FRMPD4: variants seen among roughly 807,000 people sequenced by gnomAD.
FRMPD4 encodes FERM and PDZ domain-containing protein 4.
FRMPD4 carries 22 observed loss-of-function variants against 94.1 expected under a neutral mutation model. That is an observed-to-expected ratio of 0.23 (90% CI 0.17 to 0.33). The LOEUF is 0.33. Ranked by LOEUF, FRMPD4 falls within the 10% of genes least tolerant of loss-of-function variation. FRMPD4 has a pLI of 1.00. For synonymous variants in FRMPD4, 631 were observed against 548.6 expected (o/e 1.15, Z -2.10); for missense variants, 1,111 against 1,339.9 (o/e 0.83, Z 2.67).
intron 3 of FRMPD4, among the ~76,000 whole-genome samples, chrX:12,048,258 G>A (rs1301234130): frequency 8.9e-6 from 1 of 111,778 alleles, no homozygotes; most frequent in African/African-American, 3.2e-5. Context: ...TTAGTGATGT[G>A]GATCTCATTT....
intron 5 of FRMPD4, among the ~76,000 whole-genome samples, chrX:12,676,179 A>G (rs1764556635): frequency 8.9e-6 from 1 of 112,417 alleles, no homozygotes; most frequent in Non-Finnish European, 1.9e-5. Flanking sequence ...TCACAGCAGT[A>G]TAACAAACGA....
In FRMPD4 at chrX:12,111,151, G is replaced by A. The variant is rs962806485; in HGVS notation, c.95+233133G>A. ...AAAAGAACAAAGCTGGAGGCATCAC[G>A]CTACCTGACTTCAAACTATACTACA... On this transcript the variant is annotated intron_variant, in intron 3 of 18. Coordinates refer to the FRMPD4 transcript ENST00000640291. Among the ~76,000 whole-genome samples the A allele has an allele frequency of 1.5e-4, 17 of 111,495 alleles. No individual in the cohort carries two copies. In the South Asian group the frequency reaches 1.5e-3, roughly 10 times the overall value.
At chrX:12,318,301 G>T (rs149592615) in intron 1 of FRMPD4, among the ~76,000 whole-genome samples, 120 of 112,367 alleles carry the variant, frequency 1.1e-3, no homozygotes, top group African/African-American at 3.7e-3. Flanking sequence ...TAAGATGGGA[G>T]AATCGCTTGA....
chrX:12,124,366 T>C (rs73190540), intron 3 of FRMPD4, among the ~76,000 whole-genome samples: 14 of 112,189 alleles, frequency 1.2e-4, no homozygotes, highest in Non-Finnish European at 2.1e-4. Flanking sequence ...GGAGGACCCA[T>C]TGGGGTTTCT....
rs758681561 is a variant in FRMPD4 at position 12,717,503 on chromosome X, G to A, written c.2677G>A (p.Val893Ile). The A allele has an allele frequency of 1.7e-6, 2 of 1,175,141 alleles. No individual in the cohort carries two copies. Among genetic ancestry groups the A allele is most frequent in the Non-Finnish European group, 2.3e-6 (2 of 862,831 alleles). Residue 893 changes from valine to isoleucine, a missense_variant and splice_region_variant, in exon 16 of 17, where the codon GTA becomes ATA. Physicochemically the swap from Val to Ile is conservative, Grantham distance 29. This residue lies in a region of FRMPD4 where 74 missense variants were observed against 93.9 expected (regional missense o/e 0.79). Transcript: ENST00000675598. ...TTCTTGTTTTTTACGGCATGCAGGT[G>A]TAGCCATCTTGCGGGCTTATAGTCC... is the stretch of plus-strand genomic sequence containing the variant. ...EEQQTSDNSGVAILRAYSPES... is the reference protein window; with the variant it reads ...EEQQTSDNSGIAILRAYSPES...
At chrX:12,279,294 G>A (rs1330259420) in intron 1 of FRMPD4, among the ~76,000 whole-genome samples, 2 of 111,476 alleles carry the variant, frequency 1.8e-5, no homozygotes, top group Admixed American at 1.9e-4. Context: ...CCCAGGGATG[G>A]GCCTAGTGTT....
intron 1 of FRMPD4, among the ~76,000 whole-genome samples, chrX:12,319,383 C>T (rs1348902214): frequency 5.3e-5 from 6 of 112,169 alleles, no homozygotes; most frequent in Admixed American, 4.7e-4. Context: ...AATGCCTGGA[C>T]CCACCCCCAG....
At chrX:12,244,117 T>TTTTG (rs758184572) in intron 1 of FRMPD4, among the ~76,000 whole-genome samples, 2 of 109,967 alleles carry the variant, frequency 1.8e-5, no homozygotes, top group Non-Finnish European at 3.8e-5. Context: ...TTTTGTTTTG[T>TTTTG]TTTGTTTTGT....
At chrX:12,703,812 G>T (rs1175245637) in intron 10 of FRMPD4, among the ~76,000 whole-genome samples, 1 of 111,942 alleles carries the variant, frequency 8.9e-6, no homozygotes. Flanking sequence ...CACACCACCA[G>T]CAAGAAATGT....
At chrX:12,008,838 T>C (rs1034261732) in intron 3 of FRMPD4, among the ~76,000 whole-genome samples, 18 of 112,173 alleles carry the variant, frequency 1.6e-4, no homozygotes, top group Non-Finnish European at 3.0e-4. Flanking sequence ...CTTGAGAAAA[T>C]ATTAATTTTT....
At chrX:12,203,425 A>G (rs901507573) in intron 1 of FRMPD4, among the ~76,000 whole-genome samples, 3 of 111,726 alleles carry the variant, frequency 2.7e-5, no homozygotes, top group Non-Finnish European at 5.6e-5. Flanking sequence ...AAAACACTAC[A>G]TATATATTAA....
chrX:12,544,617 T>A (rs2058455106), intron 2 of FRMPD4, among the ~76,000 whole-genome samples: 1 of 112,000 alleles, frequency 8.9e-6, no homozygotes, highest in South Asian at 3.8e-4. Context: ...AGACTTGGAA[T>A]GGTAGACATC....
chrX:11,974,564 AAAGC>A (rs2054357534), intron 3 of FRMPD4, among the ~76,000 whole-genome samples: 1 of 112,436 alleles, frequency 8.9e-6, no homozygotes, highest in Admixed American at 9.4e-5. Context: ...ACAAAAGCCC[AAAGC>A]AATAATCAGA....
intron 4 of FRMPD4, among the ~76,000 whole-genome samples, chrX:12,636,463 C>T (rs1458718429): frequency 9.0e-6 from 1 of 110,649 alleles, no homozygotes; most frequent in Non-Finnish European, 1.9e-5. Flanking sequence ...TAGAGGTGTA[C>T]GGTATCTGGT....
intron 3 of FRMPD4, among the ~76,000 whole-genome samples, chrX:12,045,291 A>G (rs1422507238): frequency 1.8e-5 from 2 of 111,741 alleles, no homozygotes; most frequent in Non-Finnish European, 3.8e-5. Flanking sequence ...GCCCCACATG[A>G]TAATGAATCA....
At chrX:11,955,166 A>C (rs940959588) in intron 3 of FRMPD4, among the ~76,000 whole-genome samples, 7 of 110,936 alleles carry the variant, frequency 6.3e-5, no homozygotes, top group Admixed American at 5.8e-4. Context: ...ATGAAGGCTA[A>C]TCCCATTCAC....
At chrX:12,193,259 C>T (rs770180473) in intron 1 of FRMPD4, among the ~76,000 whole-genome samples, 3 of 111,119 alleles carry the variant, frequency 2.7e-5, no homozygotes, top group African/African-American at 9.8e-5. Flanking sequence ...CATCATAAGC[C>T]GCTAAAATAA....
At chrX:11,905,547 C>T (rs1301068273) in intron 3 of FRMPD4, among the ~76,000 whole-genome samples, 2 of 111,864 alleles carry the variant, frequency 1.8e-5, no homozygotes, top group Admixed American at 9.5e-5. Flanking sequence ...AAATCATCTA[C>T]TTACTATACT....
At chrX:12,685,676 A>G (rs1386256481) in intron 6 of FRMPD4, among the ~76,000 whole-genome samples, 1 of 112,148 alleles carries the variant, frequency 8.9e-6, no homozygotes, top group Admixed American at 9.5e-5. Context: ...AAATAACTTT[A>G]TACTTGAAGC....
Sources: allele counts gnomAD v4.1 joint callset (sites outside exome capture counted in the v4.1 genomes callset), GRCh38; gene constraint gnomAD v4.1.1; regional missense constraint gnomAD v4.1.1; transcripts MANE v1.5; gene names NCBI Gene and HGNC (gene_info 2026-07-23, HGNC 2026-07-21).